The following NDUFA10 variants were observed in gnomAD, a reference collection of about 807,000 sequenced individuals.
NDUFA10 encodes the protein NADH:ubiquinone oxidoreductase subunit A10, also known as NADH dehydrogenase [ubiquinone] 1 alpha subcomplex subunit 10, mitochondrial.
Under a neutral mutation model 47.8 loss-of-function variants are expected in NDUFA10, and 40 were observed. That is an observed-to-expected ratio of 0.84 (90% CI 0.65 to 1.09). The LOEUF is 1.09. Ranked by LOEUF, NDUFA10 falls within the 50% of genes least tolerant of loss-of-function variation. The probability of loss-of-function intolerance (pLI) is 0.00; values close to 1 mark genes in which losing one functional copy is unlikely to be tolerated. For missense variants in NDUFA10, 413 were observed against 451.1 expected, an observed-to-expected ratio of 0.92 and a Z score of 0.76; for synonymous variants, 183 against 172.2, an observed-to-expected ratio of 1.06 and a Z score of -0.49.
intron 9 of NDUFA10, among the ~76,000 whole-genome samples, chr2:239,967,164 A>G (rs1695106780): frequency 6.6e-6 from 1 of 152,246 alleles, no homozygotes; most frequent in Non-Finnish European, 1.5e-5. Context: ...TGACGCAGCC[A>G]TCGGAATGGG....
intron 4 of NDUFA10, among the ~76,000 whole-genome samples, chr2:239,931,183 C>A (rs772420512): frequency 2.6e-5 from 4 of 152,166 alleles, no homozygotes; most frequent in African/African-American, 9.7e-5. Context: ...TGGGGCAGAC[C>A]GGCTTAATCC....
At chr2:239,976,111 C>G (rs916450090) in intron 9 of NDUFA10, among the ~76,000 whole-genome samples, 2 of 152,198 alleles carry the variant, frequency 1.3e-5, no homozygotes, top group Admixed American at 1.3e-4. Context: ...CTCTGACCAC[C>G]TTTCTTAATC....
At chr2:240,001,840 G>C (rs963290411) in intron 8 of NDUFA10, among the ~76,000 whole-genome samples, 1 of 152,150 alleles carries the variant, frequency 6.6e-6, no homozygotes. Context: ...TCTACATTCA[G>C]ACACCTCAGA....
chr2:239,960,877 G>C lies in NDUFA10; in HGVS notation c.*241C>G. On this transcript the variant is annotated 3_prime_UTR_variant, in exon 10 of 10. Coordinates refer to ENST00000252711, the MANE Select transcript of NDUFA10 (RefSeq NM_004544.4). The stretch of plus-strand genomic sequence containing the variant: ...ACAGCAGACCACTGTTTTCCAGTGA[G>C]AATGGTGGGCCATTCCAAAACAAAG... 1 of 1,413,200 alleles carries C rather than the reference G, an allele frequency of 7.1e-7. No individual in the cohort carries two copies. The highest frequency in any genetic ancestry group is 9.3e-7 in the Non-Finnish European group (1 of 1,078,536). The allele number at this position is 1,413,200 out of a possible 1,614,324, so 87.5% of individuals were successfully genotyped here.
intron 8 of NDUFA10, among the ~76,000 whole-genome samples, chr2:240,002,502 T>C (rs991635902): frequency 1.3e-5 from 2 of 152,204 alleles, no homozygotes; most frequent in Non-Finnish European, 2.9e-5. Context: ...GTATATGGAA[T>C]ATAATATATG....
chr2:240,014,639 G>A, intron 5 of NDUFA10, 100 bp downstream of exon 5: 3 of 1,549,330 alleles, frequency 1.9e-6, no homozygotes, highest in Non-Finnish European at 2.7e-6. Context: ...TCCTCGTGAG[G>A]ACTGGTAGGA....
rs1697471311 is a variant in NDUFA10 at position 240,018,633 on chromosome 2, C to A, written c.467G>T (p.Gly156Val). ...GAAGATGGAGCGCTCCAACACAACA[C>A]CTTGTCCTGTTTAAACATAGGCAAA... ...ALEHLLTTGQ[G>V]VVLERSIFSD... The change falls in exon 4 of 10, where the codon GGT (glycine) becomes GTT (valine). Residue 156 changes from glycine (G) to valine (V), a missense_variant. By Grantham distance (109) the Gly-to-Val change is moderately radical. Coordinates refer to ENST00000252711, the MANE Select transcript of NDUFA10 (RefSeq NM_004544.4). 6.2e-7 allele frequency: 1 copy of A among 1,614,024 alleles called. No homozygotes were observed. Among genetic ancestry groups the A allele is most frequent in the African/African-American group, 1.3e-5 (1 of 74,890 alleles).
rs758506842 is a variant in NDUFA10 at position 239,906,197 on chromosome 2, G to A, written c.295-10883C>T. Among the ~76,000 whole-genome samples, 1 of 152,092 alleles carries A rather than the reference G, an allele frequency of 6.6e-6. No homozygotes were observed. The highest frequency in any genetic ancestry group is 2.4e-5 in the African/African-American group (1 of 41,394). On this transcript the variant is annotated intron_variant, in intron 4 of 5. Transcript: ENST00000419408. This position sits in a 1 kb window ranked among gnomAD's most constrained non-coding sequence, Gnocchi z 4.3. ...AGCACACCTTTTAACAAGAACCCCCGGCCCTCCAGGTGGTTGGAAATATTA... is the reference window on the plus strand; with the variant it reads ...AGCACACCTTTTAACAAGAACCCCCAGCCCTCCAGGTGGTTGGAAATATTA...
Position 240,014,847 on chromosome 2 carries a change from G to A in NDUFA10, c.561C>T (p.Tyr187=), listed in dbSNP as rs1697280697. Reference sequence around the variant, plus strand: ...AGATGGTGACGCTCTTCACCTCGTTGTAGTGGTCCACACCTGGCACATAGG... The same window carrying A: ...AGATGGTGACGCTCTTCACCTCGTTATAGTGGTCCACACCTGGCACATAGG... ...GFIRKQCVDH[Y]NEVKSVTICD... is the part of the protein sequence containing the mutation. Residue 187 remains tyrosine (Y), a synonymous_variant, in exon 5 of 10, where the codon TAC becomes TAT. Coordinates refer to ENST00000252711, the MANE Select transcript of NDUFA10 (RefSeq NM_004544.4). The A allele has an allele frequency of 6.2e-7, 1 of 1,614,076 alleles. No homozygotes were observed.
intron 9 of NDUFA10, among the ~76,000 whole-genome samples, chr2:239,979,112 G>T (rs968780274): frequency 6.6e-6 from 1 of 152,146 alleles, no homozygotes; most frequent in African/African-American, 2.4e-5. Flanking sequence ...CCCTTTCTGG[G>T]CTCATCCATC....
chr2:240,011,439 C>A (rs1440673709), intron 6 of NDUFA10, among the ~76,000 whole-genome samples, 178 bp downstream of exon 6: 3 of 152,138 alleles, frequency 2.0e-5, no homozygotes, highest in Non-Finnish European at 2.9e-5. Flanking sequence ...AACCAATAAA[C>A]CCCACAAAAA....
intron 4 of NDUFA10, among the ~76,000 whole-genome samples, chr2:239,899,492 T>TGGAGGGGTGTGAC (rs1693501995): frequency 8.1e-6 from 1 of 123,574 alleles, no homozygotes; most frequent in Non-Finnish European, 2.0e-5. Flanking sequence ...AGAGGTGTGA[T>TGGAGGGGTGTGAC]GGAGGGGTGT....
At chr2:239,969,750 AT>A (rs1432764847) in intron 9 of NDUFA10, 1 of 471,292 alleles carries the variant, frequency 2.1e-6, no homozygotes, top group African/African-American at 2.0e-5. Context: ...TTGGCTTCTG[AT>A]TCTTGGAAGA....
At chr2:239,976,133 G>A (rs1046368115) in intron 9 of NDUFA10, among the ~76,000 whole-genome samples, 2 of 152,128 alleles carry the variant, frequency 1.3e-5, no homozygotes, top group South Asian at 2.1e-4. Context: ...TCCCATCAAC[G>A]CTGATGAGAA....
At chr2:239,980,162 G>A (rs1695711542) in intron 9 of NDUFA10, among the ~76,000 whole-genome samples, 2 of 152,160 alleles carry the variant, frequency 1.3e-5, no homozygotes, top group African/African-American at 2.4e-5. Context: ...GAGGTGAGCT[G>A]CATGAGGGCA....
intron 5 of NDUFA10, chr2:240,013,507 T>C (rs1183181198): frequency 1.3e-5 from 2 of 152,260 alleles, no homozygotes; most frequent in African/African-American, 4.8e-5. Flanking sequence ...AACAAACATT[T>C]TGAACTTGCA....
intron 4 of NDUFA10, among the ~76,000 whole-genome samples, chr2:239,908,977 G>T (rs1390633154): frequency 1.3e-5 from 2 of 152,146 alleles, no homozygotes; most frequent in Admixed American, 1.3e-4. Flanking sequence ...TAACTCGAAG[G>T]TGTGGTCTGA....
intron 4 of NDUFA10, among the ~76,000 whole-genome samples, chr2:239,903,663 A>C (rs1283032817): frequency 6.6e-6 from 1 of 152,244 alleles, no homozygotes; most frequent in African/African-American, 2.4e-5. Flanking sequence ...TATATTCAGA[A>C]AATCTTTGCA....
intron 9 of NDUFA10, among the ~76,000 whole-genome samples, chr2:239,963,613 G>C (rs991849841): frequency 1.3e-5 from 2 of 152,198 alleles, no homozygotes; most frequent in Non-Finnish European, 2.9e-5. Flanking sequence ...GTAAGTGTCC[G>C]GTCTGCTTAT....
Sources: gnomAD v4.1 joint callset for allele counts (sites outside exome capture counted in the v4.1 genomes callset) on GRCh38, gnomAD v4.1.1 for gene constraint, Gnocchi (gnomAD v3.1) non-coding constraint, MANE v1.5 for transcripts, NCBI Gene and HGNC (gene_info 2026-07-23, HGNC 2026-07-21) for gene names.